CLEC4M: variants seen among roughly 807,000 people sequenced by gnomAD.
CLEC4M encodes the protein C-type lectin domain family 4 member M, also known as CD209 antigen-like protein 1.
In CLEC4M, 25 loss-of-function variants were observed where a neutral mutation model predicts 39.1. The observed-to-expected ratio is 0.64, with a 90% CI of 0.47 to 0.89. The LOEUF is 0.89. CLEC4M is among the 40% of genes least tolerant of loss of function. The pLI is 0.00. For missense variants in CLEC4M, 353 were observed against 431.4 expected (o/e 0.82, Z 1.61); for synonymous variants, 155 against 177.4 (o/e 0.87, Z 1.00).
chr19:7,767,570 T>G lies in CLEC4M; in HGVS notation c.991T>G (p.Ser331Ala), dbSNP rs746505626. The G allele has an allele frequency of 1.1e-5, 18 of 1,614,052 alleles. No individual in the cohort carries two copies. The highest frequency in any genetic ancestry group is 1.4e-5 in the Non-Finnish European group (17 of 1,180,036). ...TAACCGCTTCTCCTGGATGGGACTTTCAGACCTAAATCAGGAAGGCACGTG... is the reference window on the plus strand; with the variant it reads ...TAACCGCTTCTCCTGGATGGGACTTGCAGACCTAAATCAGGAAGGCACGTG... Reference protein sequence around the residue: ...RSNRFSWMGLSDLNQEGTWQW... With the variant: ...RSNRFSWMGLADLNQEGTWQW... Residue 331 changes from serine (S) to alanine (A), a missense_variant, in exon 6 of 7, where the codon TCA becomes GCA. Coordinates refer to ENST00000327325, the MANE Select transcript of CLEC4M (RefSeq NM_014257.5).
At position 7,763,401 on chromosome 19, in the gene CLEC4M, C is replaced by A. The variant is rs1568525749; in HGVS notation, c.55C>A (p.Pro19Thr). ...VQQLGLLEEDPTTSGIRLFPR... is the reference protein window; with the variant it reads ...VQQLGLLEEDTTTSGIRLFPR... ...GATGTCTGTCAATTCAGAAGAAGAT[C>A]CAACAACCAGTGGCATCAGACTTTT... is the stretch of plus-strand genomic sequence containing the variant. The change falls in exon 2 of 7, where the codon CCA (proline) becomes ACA (threonine). Residue 19 changes from proline to threonine, a missense_variant. Physicochemically the swap from Pro to Thr is conservative, Grantham distance 38 (BLOSUM62 -1). This residue lies in a region of CLEC4M where 91 missense variants were observed against 77.8 expected (regional missense o/e 1.17). Transcript: ENST00000327325. 1 of 1,614,050 alleles carries A rather than the reference C, an allele frequency of 6.2e-7. No individual in the cohort carries two copies. Among genetic ancestry groups the A allele is most frequent in the Non-Finnish European group, 8.5e-7 (1 of 1,179,956 alleles).
At position 7,766,678 on chromosome 19, in the gene CLEC4M, C is replaced by G. The variant is rs2034290014; in HGVS notation, c.807C>G (p.Pro269=). 5 of 1,614,124 alleles carry G rather than the reference C, an allele frequency of 3.1e-6. No individual in the cohort carries two copies. Among genetic ancestry groups the G allele is most frequent in the East Asian group, 4.5e-5 (2 of 44,904 alleles). ...CAGAACGCCTGTGCCGCCACTGTCC[C>G]AAGGACTGGACATTCTTCCAAGGAA... ...TAFERLCRHC[P]KDWTFFQGNC... is the part of the protein sequence containing the mutation. The change falls in exon 5 of 7, where the codon CCC becomes CCG. Residue 269 remains proline, a synonymous_variant. Transcript: ENST00000327325.
chr19:7,764,550 G>A (rs538544923), intron 2 of CLEC4M, among the ~76,000 whole-genome samples: 53 of 151,792 alleles, frequency 3.5e-4, no homozygotes, highest in Non-Finnish European at 6.2e-4. Context: ...ATGCAGTGGC[G>A]CCATCTCGGC....
chr19:7,767,758 G>A (rs370541785), intron 6 of CLEC4M, 130 bp downstream of exon 6: 6 of 720,006 alleles, frequency 8.3e-6, no homozygotes, highest in Non-Finnish European at 1.2e-5. Flanking sequence ...GTTTTACTGA[G>A]TTGAGGAAGG....
intron 2 of CLEC4M, 42 bp from the exon 3 acceptor site, chr19:7,765,143 A>C (rs776951272): frequency 3.1e-6 from 5 of 1,604,726 alleles, no homozygotes; most frequent in African/African-American, 1.3e-5. Flanking sequence ...GGCCAGGCTC[A>C]GGTGGGAACA....
At chr19:7,767,167 A>G in intron 5 of CLEC4M, 1 of 433,182 alleles carries the variant, frequency 2.3e-6, no homozygotes. Flanking sequence ...CTCAGTGCAG[A>G]GCTGAAAGGA....
rs985914986 is a variant in CLEC4M at position 7,769,210 on chromosome 19, A to G, written c.*222A>G. ...GTTCTTGGCCCATCCTTGGAGCTTTATAAGTGACCTGAGTGGGATGCATTT... is the reference window on the plus strand; with the variant it reads ...GTTCTTGGCCCATCCTTGGAGCTTTGTAAGTGACCTGAGTGGGATGCATTT... On this transcript the variant is annotated 3_prime_UTR_variant, in exon 7 of 7. Coordinates refer to ENST00000327325, the MANE Select transcript of CLEC4M (RefSeq NM_014257.5). 15 of 472,408 alleles carry G rather than the reference A, an allele frequency of 3.2e-5. No homozygotes were observed. The highest frequency in any genetic ancestry group is 2.7e-4 in the African/African-American group (14 of 51,122). The allele number at this position is 472,408 out of a possible 1,614,324, so 29.3% of individuals were successfully genotyped here. A position where few individuals can be genotyped will look rare whatever the true frequency, so the allele number is the denominator to read the frequency against.
chr19:7,766,335 C>T (rs1374213378), intron 4 of CLEC4M, 128 bp downstream of exon 4: 23 of 1,503,240 alleles, frequency 1.5e-5, no homozygotes, highest in Admixed American at 6.3e-5. Context: ...GGGGTAACTG[C>T]GATCATTGCA....
At chr19:7,766,318 A>G in intron 4 of CLEC4M, 111 bp downstream of exon 4, 2 of 1,534,052 alleles carry the variant, frequency 1.3e-6, no homozygotes, top group South Asian at 2.5e-5. Context: ...CTGTGAAATG[A>G]GAACACGGGG....
intron 2 of CLEC4M, among the ~76,000 whole-genome samples, chr19:7,764,271 TA>T (rs1340773296): frequency 6.6e-6 from 1 of 152,030 alleles, no homozygotes; most frequent in African/African-American, 2.4e-5. Flanking sequence ...CAAAGATAGT[TA>T]TTCAATTGAG....
Position 7,767,524 on chromosome 19 carries a change from A to T in CLEC4M, c.945A>T (p.Leu315=). 3 of 1,613,976 alleles carry T rather than the reference A, an allele frequency of 1.9e-6. No individual in the cohort carries two copies. Among genetic ancestry groups the T allele is most frequent in the Non-Finnish European group, 2.5e-6 (3 of 1,179,822 alleles). ...VIKTAEEQNF[L]QLQTSRSNRF... is the part of the protein sequence containing the mutation. ...CCTCCTCTACCCTCCAGAACTTCCT[A>T]CAGCTGCAGACTTCCAGGAGTAACC... is the stretch of plus-strand genomic sequence containing the variant. The change falls in exon 6 of 7, where the codon CTA becomes CTT. Residue 315 remains leucine, a synonymous_variant. Transcript: ENST00000327325.
Position 7,769,267 on chromosome 19 carries a change from A to T in CLEC4M, c.*279A>T. 1 of 311,434 alleles carries T rather than the reference A, an allele frequency of 3.2e-6. No individual in the cohort carries two copies. Among genetic ancestry groups the T allele is most frequent in the Non-Finnish European group, 6.2e-6 (1 of 161,916 alleles). 19.3% of individuals were successfully genotyped at this position (311,434 alleles called of 1,614,324 possible). On this transcript the variant is annotated 3_prime_UTR_variant, in exon 7 of 7. Transcript: ENST00000327325. ...CGGGCTTGGTATGTTGTATGAATCC[A>T]CTCTCTGTTCCTTTTGGAGATTAGA...
rs1180509854 is a variant in CLEC4M at position 7,769,028 on chromosome 19, A to G, written c.*40A>G. On this transcript the variant is annotated 3_prime_UTR_variant, in exon 7 of 7. Coordinates refer to ENST00000327325, the MANE Select transcript of CLEC4M (RefSeq NM_014257.5). ...GCCTCAGCCTCCATTGTGGTATAGC[A>G]GAACTTCACCCACTTGTAAGCCAGC... The G allele has an allele frequency of 6.2e-7, 1 of 1,600,800 alleles. No individual in the cohort carries two copies. The highest frequency in any genetic ancestry group is 1.7e-5 in the Admixed American group (1 of 59,564).
In CLEC4M at chr19:7,763,453, T is replaced by C; in HGVS notation, c.107T>C (p.Ile36Thr). The C allele has an allele frequency of 6.2e-7, 1 of 1,613,974 alleles. No individual in the cohort carries two copies. Among genetic ancestry groups the C allele is most frequent in the South Asian group, 1.1e-5 (1 of 91,058 alleles). Residue 36 changes from isoleucine (I) to threonine (T), a missense_variant, in exon 2 of 7, where the codon ATA becomes ACA. Physicochemically the swap from Ile to Thr is moderately conservative, Grantham distance 89 (BLOSUM62 -1). Coordinates refer to ENST00000327325, the MANE Select transcript of CLEC4M (RefSeq NM_014257.5). ...LFPRDFQFQQIHGHKSSTGCL... is the reference protein window; with the variant it reads ...LFPRDFQFQQTHGHKSSTGCL... ...CCAAGAGACTTTCAATTCCAGCAGA[T>C]ACATGGCCACAAGAGCTCTACAGGT...
rs967924634 is a variant in CLEC4M at position 7,765,245 on chromosome 19, T to C, written c.191T>C (p.Val64Ala). 6.2e-7 allele frequency: 1 copy of C among 1,614,072 alleles called. No individual in the cohort carries two copies. ...QLLSFMLLAG[V>A]LVAILVQVSK... ...CTCTCCTTCATGCTCTTGGCTGGGG[T>C]CCTGGTGGCCATCCTTGTCCAAGGT... is the stretch of plus-strand genomic sequence containing the variant. The change falls in exon 3 of 7, where the codon GTC (valine) becomes GCC (alanine). Residue 64 changes from valine to alanine, a missense_variant. By Grantham distance (64) the Val-to-Ala change is moderately conservative. This residue lies in a region of CLEC4M where 91 missense variants were observed against 77.8 expected (regional missense o/e 1.17). Transcript: ENST00000327325.
At position 7,765,784 on chromosome 19, in the gene CLEC4M, G is replaced by C. The variant is rs1220230029; in HGVS notation, c.361G>C (p.Ala121Pro). 2 of 1,612,870 alleles carry C rather than the reference G, an allele frequency of 1.2e-6. No homozygotes were observed. The highest frequency in any genetic ancestry group is 1.3e-5 in the African/African-American group (1 of 74,798). The part of the protein sequence containing the change: ...EIYQELTQLK[A>P]AVGELPEKSK... ...CTACCAGGAGCTGACCCAGCTGAAG[G>C]CTGCAGTGGGTGAGTTGCCAGAGAA... The change falls in exon 4 of 7, where the codon GCT becomes CCT. Residue 121 changes from alanine (A) to proline (P), a missense_variant. Around this residue, in one of 4 missense-constraint regions of CLEC4M, gnomAD observed 48 missense variants for 64.8 expected, o/e 0.74. Coordinates refer to ENST00000327325, the MANE Select transcript of CLEC4M (RefSeq NM_014257.5).
intron 2 of CLEC4M, among the ~76,000 whole-genome samples, chr19:7,764,588 A>G (rs1410040427): frequency 1.3e-5 from 2 of 151,950 alleles, no homozygotes; most frequent in Non-Finnish European, 2.9e-5. Context: ...TCCCAGGTTC[A>G]TGCCATTCTC....
At chr19:7,767,840 T>A in intron 6 of CLEC4M, 1 of 541,724 alleles carries the variant, frequency 1.8e-6, no homozygotes, top group Non-Finnish European at 3.3e-6. Flanking sequence ...CAGGAGGAGC[T>A]TGCCCTGTGG....
chr19:7,768,686 A>G, intron 6 of CLEC4M, 152 bp from the exon 7 acceptor site: 2 of 787,920 alleles, frequency 2.5e-6, no homozygotes, highest in Admixed American at 3.0e-5. Context: ...ACTGAAGGCA[A>G]CATGACTCGG....
Sources: gnomAD v4.1 joint callset for allele counts (sites outside exome capture counted in the v4.1 genomes callset) on GRCh38, gnomAD v4.1.1 for gene constraint, gnomAD v4.1.1 regional missense constraint, MANE v1.5 for transcripts, NCBI Gene and HGNC (gene_info 2026-07-23, HGNC 2026-07-21) for gene names.